Variants in PIAS1 observed in about 807,000 individuals in gnomAD.
PIAS1 encodes the protein E3 SUMO-protein ligase PIAS1.
A neutral mutation model predicts 71.3 loss-of-function variants in PIAS1; 6 were observed. The observed-to-expected ratio is 0.08, with a 90% CI of 0.05 to 0.17. The LOEUF (loss-of-function observed/expected upper bound fraction) is 0.17. Ranked by LOEUF, PIAS1 falls within the 10% of genes least tolerant of loss-of-function variation. The pLI, the probability that PIAS1 is intolerant of heterozygous loss-of-function variation, is 1.00. For synonymous variants in PIAS1, 303 were observed against 292.9 expected (o/e 1.03, Z -0.35); for missense variants, 555 against 793.6 (o/e 0.70, Z 3.61).
chr15:68,069,340 C>T (rs2092066921), intron 1 of PIAS1, among the ~76,000 whole-genome samples: 1 of 152,122 alleles, frequency 6.6e-6, no homozygotes, highest in Admixed American at 6.5e-5. Context: ...CCTTACGCTC[C>T]CCTCCTCCTT....
intron 2 of PIAS1, among the ~76,000 whole-genome samples, chr15:68,130,205 GAATT>G (rs1342207747): frequency 1.3e-5 from 2 of 151,658 alleles, no homozygotes; most frequent in Non-Finnish European, 1.5e-5. Flanking sequence ...AAAAAAGGTG[GAATT>G]AATAAATAAA....
At chr15:68,074,670 C>T (rs1213441962) in intron 1 of PIAS1, among the ~76,000 whole-genome samples, 5 of 152,096 alleles carry the variant, frequency 3.3e-5, no homozygotes, top group Admixed American at 3.3e-4. Flanking sequence ...TTTTATAAAA[C>T]CATAACCACA....
intron 1 of PIAS1, among the ~76,000 whole-genome samples, chr15:68,084,419 T>C (rs1452412322): frequency 6.6e-6 from 1 of 152,204 alleles, no homozygotes; most frequent in African/African-American, 2.4e-5. Context: ...AGAAGTATTT[T>C]GTACTCTTTT....
At chr15:68,112,260 G>A (rs370564185) in intron 2 of PIAS1, among the ~76,000 whole-genome samples, 6 of 152,018 alleles carry the variant, frequency 3.9e-5, no homozygotes, top group African/African-American at 9.7e-5. Context: ...TTCTTTCTCT[G>A]CTACATTATC....
intron 7 of PIAS1, among the ~76,000 whole-genome samples, chr15:68,164,090 G>C (rs1277458220): frequency 6.6e-6 from 1 of 152,010 alleles, no homozygotes. Context: ...AAGACTTAAA[G>C]ATTATCTAGT....
chr15:68,132,667 C>T (rs185891440), intron 2 of PIAS1, among the ~76,000 whole-genome samples: 19 of 152,160 alleles, frequency 1.2e-4, no homozygotes, highest in Admixed American at 6.5e-4. Context: ...GGTTTATCTG[C>T]AAATCCTAAG....
At chr15:68,074,371 C>T (rs1200985744) in intron 1 of PIAS1, among the ~76,000 whole-genome samples, 2 of 152,058 alleles carry the variant, frequency 1.3e-5, no homozygotes, top group African/African-American at 4.8e-5. Flanking sequence ...CATGCTCTTC[C>T]GCCCAGGCTG....
intron 1 of PIAS1, among the ~76,000 whole-genome samples, chr15:68,060,607 C>CGTCTCAA (rs1266020608): frequency 1.3e-5 from 2 of 151,740 alleles, no homozygotes; most frequent in African/African-American, 4.9e-5. Context: ...AGTGAGACTC[C>CGTCTCAA]GTCTCAAAAA....
Position 68,090,927 on chromosome 15 carries a change from G to GGTGTGTGTGTGTGT in PIAS1, c.469+4200_469+4213dup, listed in dbSNP as rs10667510. 3.1e-3 allele frequency among the ~76,000 whole-genome samples: 442 copies of GGTGTGTGTGTGTGT among 142,846 alleles called. 3 individuals are homozygous for GGTGTGTGTGTGTGT. Among genetic ancestry groups the GGTGTGTGTGTGTGT allele is most frequent in the Middle Eastern group, 0.014 (4 of 286 alleles). The allele number at this position is 142,846 out of a possible 152,430, so 93.7% of individuals were successfully genotyped here. A position where few individuals can be genotyped will look rare whatever the true frequency, so the allele number is the denominator to read the frequency against. On this transcript the variant is annotated intron_variant, in intron 2 of 13. Coordinates refer to ENST00000249636, the MANE Select transcript of PIAS1 (RefSeq NM_016166.3). ...GTATTCTTTTTGTTAGTCATTTACGGGTGTGTGTGTGTGTGTGTGTGTGTG... is the reference window on the plus strand; with the variant it reads ...GTATTCTTTTTGTTAGTCATTTACGGGTGTGTGTGTGTGTGTGTGTGTGTGTGTGTGTGTGTGTG...
intron 7 of PIAS1, among the ~76,000 whole-genome samples, chr15:68,164,075 G>C (rs2092941344): frequency 6.6e-6 from 1 of 151,974 alleles, no homozygotes; most frequent in African/African-American, 2.4e-5. Flanking sequence ...GAAGTTTGAA[G>C]TGAAAAGACT....
At chr15:68,058,076 C>CT (rs1555421492) in intron 1 of PIAS1, among the ~76,000 whole-genome samples, 6 of 152,206 alleles carry the variant, frequency 3.9e-5, no homozygotes, top group Non-Finnish European at 8.8e-5. Flanking sequence ...AATTTGTACC[C>CT]TTTTTTGCTG....
chr15:68,102,666 G>A (rs765660649), intron 2 of PIAS1, among the ~76,000 whole-genome samples: 44 of 151,990 alleles, frequency 2.9e-4, no homozygotes, highest in Non-Finnish European at 5.3e-4. Flanking sequence ...CACTTGTTTT[G>A]TTAGACCTGT....
At chr15:68,103,635 GAAACT>G (rs1305541328) in intron 2 of PIAS1, among the ~76,000 whole-genome samples, 1 of 152,056 alleles carries the variant, frequency 6.6e-6, no homozygotes, top group Non-Finnish European at 1.5e-5. Flanking sequence ...CCCATCCCCT[GAAACT>G]ACTAATACGG....
At chr15:68,182,261 T>G (rs2093057628) in intron 12 of PIAS1, among the ~76,000 whole-genome samples, 1 of 151,862 alleles carries the variant, frequency 6.6e-6, no homozygotes, top group Non-Finnish European at 1.5e-5. Context: ...AGAATTGTTT[T>G]TATATCTTTG....
At chr15:68,123,666 C>T (rs951622006) in intron 2 of PIAS1, among the ~76,000 whole-genome samples, 1 of 152,000 alleles carries the variant, frequency 6.6e-6, no homozygotes, top group Non-Finnish European at 1.5e-5. Flanking sequence ...AAACAATTTG[C>T]TTAGAAACTA....
At chr15:68,144,249 TTAAG>T (rs1326783700) in intron 4 of PIAS1, among the ~76,000 whole-genome samples, 1 of 152,118 alleles carries the variant, frequency 6.6e-6, no homozygotes, top group Non-Finnish European at 1.5e-5. Context: ...AGTGTATTAT[TTAAG>T]TTAGGAGTGT....
Position 68,192,130 on chromosome 15 carries a change from C to G in PIAS1, c.*4295C>G, listed in dbSNP as rs185275485. 2 of 152,292 alleles carry G rather than the reference C, an allele frequency of 1.3e-5. No individual in the cohort carries two copies. The highest frequency in any genetic ancestry group is 2.4e-5 in the African/African-American group (1 of 41,558). 9.4% of individuals were successfully genotyped at this position (152,292 alleles called of 1,614,324 possible). ...CCATCTAAATCATTGGTATCTATCT[C>G]CCATCTAATCTTTGGTATTCCAGGT... On this transcript the variant is annotated 3_prime_UTR_variant, in exon 14 of 14. Transcript: ENST00000249636.
chr15:68,077,041 TAAA>T lies in PIAS1; in HGVS notation c.25-9260_25-9258del, dbSNP rs1038511518. ...GAAACATTACGTTCTACTTTTAAAT[TAAA>T]AAAATTGTATTCGAGGATGAGGTGG... is the stretch of plus-strand genomic sequence containing the variant. On this transcript the variant is annotated intron_variant, in intron 1 of 13. Transcript: ENST00000249636. 2.6e-5 allele frequency among the ~76,000 whole-genome samples: 4 copies of T among 152,134 alleles called. No individual in the cohort carries two copies. In the East Asian group the frequency reaches 5.8e-4, roughly 22 times the overall value.
rs1190753141 is a variant in PIAS1, at chr15:68,191,843, CACTT to C, written c.*4010_*4013del. The C allele has an allele frequency of 1.3e-5, 2 of 152,166 alleles. No homozygotes were observed. Among genetic ancestry groups the C allele is most frequent in the Non-Finnish European group, 2.9e-5 (2 of 68,030 alleles). 9.4% of individuals were successfully genotyped at this position (152,166 alleles called of 1,614,324 possible). ...TCCTCGGGTAGAGGTTTGAATCAAACACTTAATAGGATCTTAGACTCTGGACCAC... is the reference window on the plus strand; with the variant it reads ...TCCTCGGGTAGAGGTTTGAATCAAACAATAGGATCTTAGACTCTGGACCAC... On this transcript the variant is annotated 3_prime_UTR_variant, in exon 14 of 14. Coordinates refer to ENST00000249636, the MANE Select transcript of PIAS1 (RefSeq NM_016166.3).
Sources: gnomAD v4.1 joint callset for allele counts (sites outside exome capture counted in the v4.1 genomes callset) on GRCh38, gnomAD v4.1.1 for gene constraint, MANE v1.5 for transcripts, NCBI Gene and HGNC (gene_info 2026-07-23, HGNC 2026-07-21) for gene names.